Variants in IL1RAPL1 observed in about 807,000 individuals in gnomAD.
IL1RAPL1 encodes interleukin 1 receptor accessory protein like 1.
IL1RAPL1 carries 3 observed loss-of-function variants against 48.4 expected under a neutral mutation model. The observed-to-expected ratio is 0.06, with a 90% CI of 0.03 to 0.16. The LOEUF (loss-of-function observed/expected upper bound fraction) is 0.16, where lower values mean the gene tolerates loss of function less well. Ranked by LOEUF, IL1RAPL1 falls within the 10% of genes least tolerant of loss-of-function variation. The pLI, the probability that IL1RAPL1 is intolerant of heterozygous loss-of-function variation, is 1.00. For synonymous variants in IL1RAPL1, 185 were observed against 187.7 expected (o/e 0.99, Z 0.12); for missense variants, 349 against 530.6 (o/e 0.66, Z 3.36).
At chrX:29,131,366 T>G (rs1174020515) in intron 2 of IL1RAPL1, among the ~76,000 whole-genome samples, 2 of 110,118 alleles carry the variant, frequency 1.8e-5, no homozygotes, top group African/African-American at 6.6e-5. Flanking sequence ...GAATTGTGAT[T>G]ATTTCTATTT....
chrX:28,931,786 C>T (rs1336947607), intron 2 of IL1RAPL1, among the ~76,000 whole-genome samples: 1 of 110,838 alleles, frequency 9.0e-6, no homozygotes, highest in Non-Finnish European at 1.9e-5. Context: ...GCCTGTAATC[C>T]CAGCACTTTG....
At chrX:28,729,917 A>G (rs1276615014) in intron 1 of IL1RAPL1, among the ~76,000 whole-genome samples, 1 of 111,376 alleles carries the variant, frequency 9.0e-6, no homozygotes, top group Non-Finnish European at 1.9e-5. Context: ...AATGGCGTGA[A>G]CCCAGGAGGC....
chrX:29,226,768 G>C (rs1931091737), intron 2 of IL1RAPL1, among the ~76,000 whole-genome samples: 1 of 109,087 alleles, frequency 9.2e-6, no homozygotes, highest in African/African-American at 3.3e-5. Flanking sequence ...AAAAAAAACT[G>C]TAATCAATTT....
chrX:28,825,592 C>T (rs1321224790), intron 2 of IL1RAPL1, among the ~76,000 whole-genome samples: 1 of 111,168 alleles, frequency 9.0e-6, no homozygotes, highest in Non-Finnish European at 1.9e-5. Context: ...CCTCTTTACA[C>T]TCAAGAGGAT....
intron 8 of IL1RAPL1, among the ~76,000 whole-genome samples, chrX:29,931,171 GA>G (rs1030561199): frequency 1.9e-5 from 2 of 107,512 alleles, no homozygotes; most frequent in African/African-American, 7.2e-5. Flanking sequence ...GGGGAGGGGG[GA>G]TTTTTTTTTT....
intron 6 of IL1RAPL1, among the ~76,000 whole-genome samples, chrX:29,714,947 C>T (rs1054107166): frequency 7.2e-5 from 8 of 111,882 alleles, no homozygotes; most frequent in African/African-American, 2.6e-4. Context: ...CTTTCTGTCT[C>T]CCCAGACACA....
chrX:28,636,714 G>A (rs1934469561), intron 1 of IL1RAPL1, among the ~76,000 whole-genome samples: 1 of 111,351 alleles, frequency 9.0e-6, no homozygotes, highest in East Asian at 2.8e-4. Context: ...GAAGGAATAA[G>A]GGATAGAGCA....
chrX:29,550,953 A>T (rs1274604029), intron 5 of IL1RAPL1, among the ~76,000 whole-genome samples: 1 of 112,153 alleles, frequency 8.9e-6, no homozygotes, highest in African/African-American at 3.2e-5. Context: ...CTCTGCACCC[A>T]TTCAACGTCT....
intron 5 of IL1RAPL1, among the ~76,000 whole-genome samples, chrX:29,475,052 C>T (rs1404766508): frequency 1.8e-5 from 2 of 112,333 alleles, no homozygotes; most frequent in African/African-American, 6.5e-5. Context: ...GGACATGGCA[C>T]CATGCCTGTT....
intron 5 of IL1RAPL1, among the ~76,000 whole-genome samples, chrX:29,602,534 C>G (rs896882834): frequency 1.4e-4 from 16 of 112,567 alleles, no homozygotes; most frequent in African/African-American, 3.9e-4. Context: ...TAATAGGCAG[C>G]CAAGCCACAG....
chrX:28,966,531 CCCT>C (rs759996461), intron 2 of IL1RAPL1, among the ~76,000 whole-genome samples: 100 of 111,644 alleles, frequency 9.0e-4, no homozygotes, highest in Non-Finnish European at 9.6e-4. Flanking sequence ...CAACTCTCCC[CCCT>C]CCTCTTGTTG....
rs534759345 is a variant in IL1RAPL1 at position 28,982,491 on chromosome X, C to A, written c.82+193066C>A. On this transcript the variant is annotated intron_variant, in intron 2 of 10. Coordinates refer to ENST00000378993, the MANE Select transcript of IL1RAPL1 (RefSeq NM_014271.4). ...CACTCAGTAAATATTGTTCATATGG[C>A]GCTCTTCAGTAGCCAAAATATAACA... Among the ~76,000 whole-genome samples, 13 of 112,251 alleles carry A rather than the reference C, an allele frequency of 1.2e-4. 1 individual carries two copies. In the East Asian group the frequency reaches 2.2e-3, roughly 19 times the overall value.
chrX:29,759,929 G>T (rs903173355), intron 6 of IL1RAPL1, among the ~76,000 whole-genome samples: 1 of 111,410 alleles, frequency 9.0e-6, no homozygotes, highest in Admixed American at 9.6e-5. Context: ...CAACTTAAAT[G>T]ACTCTGTTTC....
At chrX:28,644,776 C>G (rs746706537) in intron 1 of IL1RAPL1, among the ~76,000 whole-genome samples, 7 of 111,697 alleles carry the variant, frequency 6.3e-5, no homozygotes, top group Non-Finnish European at 1.1e-4. Context: ...AAAATTATAT[C>G]AATGAGGTCG....
At chrX:29,737,537 TTAGA>T (rs746976797) in intron 6 of IL1RAPL1, among the ~76,000 whole-genome samples, 1 of 111,875 alleles carries the variant, frequency 8.9e-6, no homozygotes, top group East Asian at 2.8e-4. Context: ...CCATGACATA[TTAGA>T]TAAAGAAAAG....
At chrX:28,809,803 G>A (rs1936771643) in intron 2 of IL1RAPL1, among the ~76,000 whole-genome samples, 1 of 108,229 alleles carries the variant, frequency 9.2e-6, no homozygotes, top group Admixed American at 1.0e-4. Context: ...TTTTTTTTTG[G>A]CTGTGGAGTA....
chrX:29,886,040 T>C (rs1440675227), intron 6 of IL1RAPL1, among the ~76,000 whole-genome samples: 1 of 111,852 alleles, frequency 8.9e-6, no homozygotes, highest in Non-Finnish European at 1.9e-5. Flanking sequence ...AGAAGTAATA[T>C]TTTAGAGAAG....
At chrX:28,609,890 G>T (rs2146882702) in intron 1 of IL1RAPL1, among the ~76,000 whole-genome samples, 1 of 111,172 alleles carries the variant, frequency 9.0e-6, no homozygotes, top group Non-Finnish European at 1.9e-5. Flanking sequence ...TATTTCATTT[G>T]TCTCTCTCAC....
chrX:29,452,266 A>G (rs1177685196), intron 5 of IL1RAPL1, among the ~76,000 whole-genome samples: 1 of 111,767 alleles, frequency 8.9e-6, no homozygotes, highest in Non-Finnish European at 1.9e-5. Flanking sequence ...CTTTCTTTAT[A>G]TGTTTTAGAT....
Sources: gnomAD v4.1 joint callset for allele counts (sites outside exome capture counted in the v4.1 genomes callset) on GRCh38, gnomAD v4.1.1 for gene constraint, MANE v1.5 for transcripts, NCBI Gene and HGNC (gene_info 2026-07-23, HGNC 2026-07-21) for gene names.